The following SF3A1 variants were observed in gnomAD, a reference collection of about 807,000 sequenced individuals.
The protein encoded by SF3A1 is SAP 114.
A neutral mutation model predicts 89.9 loss-of-function variants in SF3A1; 13 were observed. That is an observed-to-expected ratio of 0.14 (90% CI 0.09 to 0.23). The LOEUF is 0.23. Among genes scored for constraint, SF3A1 ranks in the 10% least tolerant of loss-of-function variants. The pLI is 1.00. For synonymous variants in SF3A1, 405 were observed against 374.4 expected (o/e 1.08, Z -0.94); for missense variants, 604 against 1,022.1 (o/e 0.59, Z 5.58).
intron 7 of SF3A1, among the ~76,000 whole-genome samples, chr22:30,341,107 A>C (rs1217713946): frequency 2.1e-5 from 1 of 47,690 alleles, no homozygotes; most frequent in Non-Finnish European, 4.4e-5. Flanking sequence ...GACAGTGCCA[A>C]GGGGGCGAGG....
chr22:30,343,413 G>A lies in SF3A1; in HGVS notation c.652-534C>T, dbSNP rs560040431. ...AGACAGGGATTTCTCTTTTGTTCAC[G>A]ATTACATCTCCAGCCCCCTGAATAA... On this transcript the variant is annotated intron_variant, in intron 4 of 15. Transcript: ENST00000215793. Among the ~76,000 whole-genome samples the A allele has an allele frequency of 7.2e-5, 11 of 152,282 alleles. No individual in the cohort carries two copies. In the South Asian group the frequency reaches 1.2e-3, roughly 17 times the overall value.
At chr22:30,345,957 A>T (rs1285563694) in intron 3 of SF3A1, among the ~76,000 whole-genome samples, 3 of 152,142 alleles carry the variant, frequency 2.0e-5, no homozygotes, top group African/African-American at 7.2e-5. Context: ...CCTTCAGCAC[A>T]GCCAAGTAGG....
chr22:30,347,095 G>A (rs1931444316), intron 2 of SF3A1, among the ~76,000 whole-genome samples: 1 of 151,998 alleles, frequency 6.6e-6, no homozygotes. Flanking sequence ...TAGTTGATTT[G>A]AGCCTGGGCA....
At chr22:30,334,843 C>T (rs1225717136) in intron 15 of SF3A1, 148 bp from the exon 16 acceptor site, 1 of 568,642 alleles carries the variant, frequency 1.8e-6, no homozygotes, top group Non-Finnish European at 3.1e-6. Flanking sequence ...GGACTGGAGG[C>T]CTCTCATTCC....
intron 1 of SF3A1, among the ~76,000 whole-genome samples, chr22:30,356,066 C>T (rs1379186273): frequency 3.9e-5 from 6 of 152,228 alleles, no homozygotes; most frequent in African/African-American, 1.4e-4. Context: ...CATATCACAC[C>T]ATACTACAAT....
intron 2 of SF3A1, among the ~76,000 whole-genome samples, chr22:30,350,276 C>G (rs991346457): frequency 4.0e-5 from 6 of 149,194 alleles, no homozygotes; most frequent in Middle Eastern, 6.9e-3. Flanking sequence ...CTGAGCAACA[C>G]AGAAAGACCC....
At chr22:30,345,591 T>C (rs1022798050) in intron 3 of SF3A1, among the ~76,000 whole-genome samples, 2 of 152,182 alleles carry the variant, frequency 1.3e-5, no homozygotes, top group African/African-American at 4.8e-5. Flanking sequence ...GACCTCCGCA[T>C]GAACGATGAG....
intron 5 of SF3A1, 123 bp downstream of exon 5, chr22:30,342,682 A>T: frequency 1.4e-6 from 1 of 728,522 alleles, no homozygotes; most frequent in Non-Finnish European, 2.4e-6. Flanking sequence ...GTAGCCAACA[A>T]AGCCTTTTCT....
Position 30,343,498 on chromosome 22 carries a change from A to G in SF3A1, c.652-619T>C, listed in dbSNP as rs139143148. ...GCTGCCTTTGTTCTAAACAGCCCCA[A>G]CAGCTTCTACTGCCACTGGCAAAGT... On this transcript the variant is annotated intron_variant, in intron 4 of 15. Transcript: ENST00000215793. 8.0e-3 allele frequency among the ~76,000 whole-genome samples: 1,223 copies of G among 152,304 alleles called. 9 individuals carry two copies. Among genetic ancestry groups the G allele is most frequent in the Admixed American group, 0.015 (234 of 15,306 alleles).
Position 30,345,205 on chromosome 22 carries a change from G to A in SF3A1, c.394-15C>T. The A allele has an allele frequency of 6.2e-7, 1 of 1,608,908 alleles. No individual in the cohort carries two copies. Among genetic ancestry groups the A allele is most frequent in the Non-Finnish European group, 8.5e-7 (1 of 1,176,026 alleles). ...TGGGCTTGGACCTAAGATGCAAAGG[G>A]AGTATGAGGCGAGAGGCACAGGGGT... On this transcript the variant is annotated splice_polypyrimidine_tract_variant and intron_variant, in intron 3 of 15. Coordinates refer to ENST00000215793, the MANE Select transcript of SF3A1 (RefSeq NM_005877.6).
At chr22:30,339,511 T>TG (rs1190064727) in intron 9 of SF3A1, among the ~76,000 whole-genome samples, 2 of 152,128 alleles carry the variant, frequency 1.3e-5, no homozygotes, top group African/African-American at 2.4e-5. Context: ...CCCAGCACTT[T>TG]GGGGGGCCAA....
intron 2 of SF3A1, 118 bp from the exon 3 acceptor site, chr22:30,346,637 C>A: frequency 9.2e-7 from 1 of 1,090,242 alleles, no homozygotes; most frequent in Non-Finnish European, 1.3e-6. Context: ...CAGCCCATCC[C>A]TCAGCAGACG....
At position 30,342,888 on chromosome 22, in the gene SF3A1, C is replaced by T. The variant is rs1601694854; in HGVS notation, c.652-9G>A. 6.3e-7 allele frequency: 1 copy of T among 1,598,070 alleles called. No individual in the cohort carries two copies. On this transcript the variant is annotated splice_polypyrimidine_tract_variant and intron_variant, in intron 4 of 15. Coordinates refer to ENST00000215793, the MANE Select transcript of SF3A1 (RefSeq NM_005877.6). Reference sequence around the variant, plus strand: ...TTGGGTGGAATCAAGATCTGAAATACAGAAGAGTTAAAGCAACTGTCAGTG... The same window carrying T: ...TTGGGTGGAATCAAGATCTGAAATATAGAAGAGTTAAAGCAACTGTCAGTG...
chr22:30,356,259 G>A (rs538901165), intron 1 of SF3A1, among the ~76,000 whole-genome samples: 3 of 152,184 alleles, frequency 2.0e-5, no homozygotes, highest in Non-Finnish European at 4.4e-5. Flanking sequence ...GCCTGGCACG[G>A]TGTCTGGCTT....
rs1930999765 is a variant in SF3A1 at position 30,334,306 on chromosome 22, C to T, written c.*288G>A. On this transcript the variant is annotated 3_prime_UTR_variant, in exon 16 of 16. Transcript: ENST00000215793. ...TATGAAACTATCCTGTAGGACATCC[C>T]TGGGCTCTCAGTTGCTAATGGGCTG... 1 of 283,282 alleles carries T rather than the reference C, an allele frequency of 3.5e-6. No homozygotes were observed. Among genetic ancestry groups the T allele is most frequent in the Admixed American group, 5.7e-5 (1 of 17,600 alleles). The allele number at this position is 283,282 out of a possible 1,614,324, so 17.5% of individuals were successfully genotyped here. A position where few individuals can be genotyped will look rare whatever the true frequency, so the allele number is the denominator to read the frequency against.
At chr22:30,345,612 T>C (rs1931395151) in intron 3 of SF3A1, among the ~76,000 whole-genome samples, 1 of 152,138 alleles carries the variant, frequency 6.6e-6, no homozygotes, top group Non-Finnish European at 1.5e-5. Flanking sequence ...GTAGCACAGG[T>C]ACTGTGAATC....
chr22:30,342,659 T>C, intron 5 of SF3A1, 146 bp downstream of exon 5: 1 of 659,058 alleles, frequency 1.5e-6, no homozygotes, highest in East Asian at 2.6e-5. Flanking sequence ...GACTCCAGGT[T>C]TCTTTGGCCT....
At chr22:30,348,808 G>C (rs763322797) in intron 2 of SF3A1, among the ~76,000 whole-genome samples, 1 of 152,138 alleles carries the variant, frequency 6.6e-6, no homozygotes, top group African/African-American at 2.4e-5. Context: ...CAAATGCCTC[G>C]GGCAGACAAA....
intron 2 of SF3A1, among the ~76,000 whole-genome samples, chr22:30,349,764 C>T (rs1931531753): frequency 6.6e-6 from 1 of 151,526 alleles, no homozygotes; most frequent in South Asian, 2.1e-4. Flanking sequence ...TCAAGTGATC[C>T]TCCCAAGTGG....
Sources: gnomAD v4.1 joint callset for allele counts (sites outside exome capture counted in the v4.1 genomes callset) on GRCh38, gnomAD v4.1.1 for gene constraint, MANE v1.5 for transcripts, NCBI Gene and HGNC (gene_info 2026-07-23, HGNC 2026-07-21) for gene names.